The following COL2A1 variants were observed in gnomAD, a reference collection of about 807,000 sequenced individuals.
The protein encoded by COL2A1 is collagen type II alpha 1 chain.
A neutral mutation model predicts 204.5 loss-of-function variants in COL2A1; 28 were observed. That is an observed-to-expected ratio of 0.14 (90% CI 0.10 to 0.19). The LOEUF is 0.19. Ranked by LOEUF, COL2A1 falls within the 10% of genes least tolerant of loss-of-function variation. The pLI is 1.00. For synonymous variants in COL2A1, 708 were observed against 718.7 expected (o/e 0.99, Z 0.24); for missense variants, 1,388 against 2,027.5 (o/e 0.68, Z 6.06).
intron 15 of COL2A1, among the ~76,000 whole-genome samples, 185 bp downstream of exon 15, chr12:47,993,273 G>A (rs1248990893): frequency 6.6e-6 from 1 of 152,176 alleles, no homozygotes. Context: ...TGATAAAATG[G>A]GTATCTTAAG....
chr12:48,004,202 A>G (rs979575910), intron 1 of COL2A1, 35 bp downstream of exon 1: 5 of 1,446,412 alleles, frequency 3.5e-6, no homozygotes, highest in Admixed American at 2.0e-5. Context: ...ACGCATGGAA[A>G]GCAGGCAGGC....
At chr12:47,989,638 C>G in intron 17 of COL2A1, 123 bp downstream of exon 17, 2 of 860,238 alleles carry the variant, frequency 2.3e-6, no homozygotes, top group South Asian at 1.3e-5. Flanking sequence ...TTTCCTCCCC[C>G]TTTCCAGTAG....
intron 17 of COL2A1, 43 bp from the exon 18 acceptor site, chr12:47,989,324 C>G (rs1311167187): frequency 1.3e-6 from 2 of 1,574,124 alleles, no homozygotes. Context: ...AATGCCAGTT[C>G]TGGCCTCCAA....
In COL2A1 at chr12:47,982,912, G is replaced by A. The variant is rs747446924; in HGVS notation, c.2129C>T (p.Pro710Leu). The A allele has an allele frequency of 4.3e-6, 7 of 1,613,324 alleles. No individual in the cohort carries two copies. Among genetic ancestry groups the A allele is most frequent in the Middle Eastern group, 1.6e-4 (1 of 6,082 alleles). ...GGGACCCTGGAGGCCCTGGGCACCG[G>A]GAGAGCCACGTTCACCTGGGAAACC... ...ERGFPGERGS[P>L]GAQGLQGPRG... Residue 710 changes from proline (P) to leucine (L), a missense_variant, in exon 33 of 54, where the codon CCC becomes CTC. By Grantham distance (98) the Pro-to-Leu change is moderately conservative. Coordinates refer to ENST00000380518, the MANE Select transcript of COL2A1 (RefSeq NM_001844.5).
chr12:47,993,996 T>C lies in COL2A1; in HGVS notation c.868A>G (p.Arg290Gly). The change falls in exon 13 of 54, where the codon AGA becomes GGA. Residue 290 changes from arginine to glycine, a missense_variant and splice_region_variant. By Grantham distance (125) the Arg-to-Gly change is moderately radical. Coordinates refer to ENST00000380518, the MANE Select transcript of COL2A1 (RefSeq NM_001844.5). Reference protein sequence around the residue: ...TPGLPGVKGHRGYPGLDGAKG... With the variant: ...TPGLPGVKGHGGYPGLDGAKG... ...ACCTTCTCACCCGTGATACTTACTCTGTGACCTTTGACACCAGGAAGGCCT... is the reference window on the plus strand; with the variant it reads ...ACCTTCTCACCCGTGATACTTACTCCGTGACCTTTGACACCAGGAAGGCCT... The C allele has an allele frequency of 6.2e-7, 1 of 1,614,170 alleles. No individual in the cohort carries two copies. The highest frequency in any genetic ancestry group is 8.5e-7 in the Non-Finnish European group (1 of 1,180,038).
At chr12:48,002,721 T>A (rs1592242141) in intron 1 of COL2A1, 1 of 152,362 alleles carries the variant, frequency 6.6e-6, no homozygotes, top group South Asian at 2.1e-4. Context: ...TGCTTGTAAA[T>A]GTAGTACAAA....
At chr12:47,974,450 G>C (rs1938591153) in intron 52 of COL2A1, 119 bp from the exon 53 acceptor site, 1 of 1,405,582 alleles carries the variant, frequency 7.1e-7, no homozygotes, top group East Asian at 2.3e-5. Context: ...GGGCAGCAGG[G>C]AGCTAGTTGG....
At position 47,999,933 on chromosome 12, in the gene COL2A1, A is replaced by AGGTCAGTT; in HGVS notation, c.270_277dup (p.Leu93GlnfsTer27). The AGGTCAGTT allele has an allele frequency of 6.2e-7, 1 of 1,614,036 alleles. No individual in the cohort carries two copies. The highest frequency in any genetic ancestry group is 8.5e-7 in the Non-Finnish European group (1 of 1,179,894). ...TAAATTACAACCACTGGCAGTGGCG[A>AGGTCAGTT]GGTCAGTTGGGCAGATGGGGCAGCA... On this transcript the variant is annotated frameshift_variant, in exon 2 of 54. Coordinates refer to ENST00000380518, the MANE Select transcript of COL2A1 (RefSeq NM_001844.5). LOFTEE classifies it high-confidence loss of function.
chr12:47,980,559 G>T lies in COL2A1; in HGVS notation c.2620C>A (p.Pro874Thr), dbSNP rs377198201. 2 of 1,607,066 alleles carry T rather than the reference G, an allele frequency of 1.2e-6. No individual in the cohort carries two copies. The highest frequency in any genetic ancestry group is 8.5e-7 in the Non-Finnish European group (1 of 1,176,780). The change falls in exon 39 of 54, where the codon CCT becomes ACT. Residue 874 changes from proline (P) to threonine (T), a missense_variant. Transcript: ENST00000380518. The surrounding 1 kb of genome is among the most constrained non-coding windows in gnomAD (Gnocchi z 4.5). ...GPQGPSGAPG[P>T]QGPTGVTGPK... is the part of the protein sequence containing the mutation. ...TGGAGTGCAGCGTTACCCACCTGAG[G>T]CCCAGGTGCTCCAGAGGGGCCCTGA...
intron 7 of COL2A1, among the ~76,000 whole-genome samples, chr12:47,997,143 G>T (rs1349568019): frequency 6.6e-6 from 1 of 152,232 alleles, no homozygotes. Context: ...TTGTTGATTG[G>T]TTTGATTCCA....
In COL2A1 at chr12:47,978,244, G is replaced by A. The variant is rs201070017; in HGVS notation, c.3003+47C>T. 1.2e-6 allele frequency: 2 copies of A among 1,603,458 alleles called. No homozygotes were observed. Among genetic ancestry groups the A allele is most frequent in the East Asian group, 2.2e-5 (1 of 44,616 alleles). ...GGTGCTGAGGGAGGTAGAAGCCTTG[G>A]CAGGCAGGGCCCAGCTTGGATGGAG... is the stretch of plus-strand genomic sequence containing the variant. On this transcript the variant is annotated intron_variant, in intron 43 of 53. Transcript: ENST00000380518. This position sits in a 1 kb window ranked among gnomAD's most constrained non-coding sequence, Gnocchi z 5.5.
intron 11 of COL2A1, among the ~76,000 whole-genome samples, chr12:47,995,042 T>C (rs958145700): frequency 6.6e-6 from 1 of 152,234 alleles, no homozygotes; most frequent in African/African-American, 2.4e-5. Context: ...ATTATTTGTC[T>C]TCCCCTTGGA....
intron 45 of COL2A1, 42 bp from the exon 46 acceptor site, chr12:47,977,469 G>A: frequency 6.3e-7 from 1 of 1,588,860 alleles, no homozygotes; most frequent in Non-Finnish European, 8.6e-7. Context: ...GAATGTTCCA[G>A]AAGAGACAGG....
At chr12:47,977,888 G>A (rs939978406) in intron 44 of COL2A1, 122 bp downstream of exon 44, 23 of 1,025,948 alleles carry the variant, frequency 2.2e-5, no homozygotes, top group Non-Finnish European at 3.0e-5. Context: ...CAGGCCTGTC[G>A]GCCGACACTG....
chr12:47,973,251 AAG>A lies in COL2A1; in HGVS notation c.*154_*155del. The A allele has an allele frequency of 1.1e-6, 1 of 921,386 alleles. No individual in the cohort carries two copies. The highest frequency in any genetic ancestry group is 1.3e-5 in the South Asian group (1 of 75,950). 57.1% of individuals were successfully genotyped at this position (921,386 alleles called of 1,614,324 possible). A position where few individuals can be genotyped will look rare whatever the true frequency, so the allele number is the denominator to read the frequency against. ...GTCTGCCCAGTTCAGGTCTCTTAGA[AAG>A]AGAGGGGAGAAAAGTCCGAACTGTG... is the stretch of plus-strand genomic sequence containing the variant. On this transcript the variant is annotated 3_prime_UTR_variant, in exon 54 of 54. Coordinates refer to ENST00000380518, the MANE Select transcript of COL2A1 (RefSeq NM_001844.5).
chr12:47,975,890 T>C lies in COL2A1; in HGVS notation c.3597+73A>G, dbSNP rs1012532032. ...CAGGCTGATGCCCTAAAAGAGGCCC[T>C]GAGCAAAAAAGAGCTCAAGCCTCCC... On this transcript the variant is annotated intron_variant, in intron 50 of 53. Transcript: ENST00000380518. 4.3e-5 allele frequency: 51 copies of C among 1,183,748 alleles called. No individual in the cohort carries two copies. The African/African-American group carries it at 7.7e-4, about 18-fold the overall frequency. 73.3% of individuals were successfully genotyped at this position (1,183,748 alleles called of 1,614,324 possible).
At position 47,978,768 on chromosome 12, in the gene COL2A1, G is replaced by T. The variant is rs773599916; in HGVS notation, c.2734-10C>A. ...GGGGTCCAGGGTTGCCCTAGAAGGA[G>T]AAAATGCGGGAAGTGAGGACTCATC... On this transcript the variant is annotated splice_polypyrimidine_tract_variant and intron_variant, in intron 41 of 53. Transcript: ENST00000380518. The surrounding 1 kb of genome is among the most constrained non-coding windows in gnomAD (Gnocchi z 5.5). The T allele has an allele frequency of 6.2e-7, 1 of 1,612,064 alleles. No homozygotes were observed. The highest frequency in any genetic ancestry group is 8.5e-7 in the Non-Finnish European group (1 of 1,179,880).
At position 47,978,197 on chromosome 12, in the gene COL2A1, G is replaced by A; in HGVS notation, c.3004-80C>T. Reference sequence around the variant, plus strand: ...GGCCCACTGACCCTTCAGGGAGAGGGCAGACAAGGGACAGTCCTGAGGGTG... The same window carrying A: ...GGCCCACTGACCCTTCAGGGAGAGGACAGACAAGGGACAGTCCTGAGGGTG... On this transcript the variant is annotated intron_variant, in intron 43 of 53. Coordinates refer to ENST00000380518, the MANE Select transcript of COL2A1 (RefSeq NM_001844.5). This position sits in a 1 kb window ranked among gnomAD's most constrained non-coding sequence, Gnocchi z 5.5. 6.3e-7 allele frequency: 1 copy of A among 1,576,796 alleles called. No individual in the cohort carries two copies. The highest frequency in any genetic ancestry group is 8.7e-7 in the Non-Finnish European group (1 of 1,152,914).
chr12:47,993,349 A>G (rs1275093643), intron 15 of COL2A1, 109 bp downstream of exon 15: 2 of 913,412 alleles, frequency 2.2e-6, no homozygotes, highest in Non-Finnish European at 1.8e-6. Context: ...TCACAATCAG[A>G]TGAAATCTAC....
Sources: allele counts gnomAD v4.1 joint callset (sites outside exome capture counted in the v4.1 genomes callset), GRCh38; gene constraint gnomAD v4.1.1; non-coding constraint Gnocchi (gnomAD v3.1); transcripts MANE v1.5; gene names NCBI Gene and HGNC (gene_info 2026-07-23, HGNC 2026-07-21).